The following SKAP1 variants were observed in gnomAD, a reference collection of about 807,000 sequenced individuals.
SKAP1 encodes the protein src kinase associated phosphoprotein 1.
A neutral mutation model predicts 58.5 loss-of-function variants in SKAP1; 44 were observed. The ratio of observed to expected loss-of-function variants is 0.75; its 90% CI spans 0.59 to 0.97. The LOEUF is 0.97. Among genes scored for constraint, SKAP1 ranks in the 50% least tolerant of loss-of-function variants. SKAP1 has a pLI of 0.00. For missense variants in SKAP1, 390 were observed against 435.2 expected (o/e 0.90, Z 0.92); for synonymous variants, 127 against 149.7 (o/e 0.85, Z 1.11).
chr17:48,295,199 G>A (rs1010483328), intron 4 of SKAP1, among the ~76,000 whole-genome samples: 1 of 152,110 alleles, frequency 6.6e-6, no homozygotes, highest in African/African-American at 2.4e-5. Flanking sequence ...GACTTCAATC[G>A]GGCAAGATCA....
chr17:48,223,606 T>A (rs2065030087), intron 4 of SKAP1, among the ~76,000 whole-genome samples: 1 of 152,190 alleles, frequency 6.6e-6, no homozygotes, highest in Non-Finnish European at 1.5e-5. Context: ...AAGTGGTAAA[T>A]CAGTCTAAGC....
chr17:48,319,101 T>A (rs991053420), intron 4 of SKAP1, among the ~76,000 whole-genome samples: 5 of 152,194 alleles, frequency 3.3e-5, no homozygotes, highest in Non-Finnish European at 7.3e-5. Context: ...AGAAATAGAC[T>A]GGAATGGCAA....
intron 4 of SKAP1, among the ~76,000 whole-genome samples, chr17:48,293,839 C>T (rs997355858): frequency 2.6e-5 from 4 of 152,182 alleles, no homozygotes; most frequent in African/African-American, 4.8e-5. Flanking sequence ...AGCATTGCTG[C>T]CGGGTATTGC....
At chr17:48,268,633 A>G (rs1178652189) in intron 4 of SKAP1, among the ~76,000 whole-genome samples, 1 of 152,078 alleles carries the variant, frequency 6.6e-6, no homozygotes, top group African/African-American at 2.4e-5. Flanking sequence ...TTGGGATTAC[A>G]GGCAGGTGCC....
chr17:48,173,823 A>T (rs1375661759), intron 9 of SKAP1, among the ~76,000 whole-genome samples: 2 of 152,188 alleles, frequency 1.3e-5, no homozygotes, highest in Admixed American at 6.5e-5. Context: ...CCACCATTAG[A>T]TGGGAAGCTT....
At chr17:48,316,975 C>G (rs575733510) in intron 4 of SKAP1, among the ~76,000 whole-genome samples, 117 of 152,312 alleles carry the variant, frequency 7.7e-4, no homozygotes, top group African/African-American at 2.7e-3. Context: ...TTCATCTTCT[C>G]CCTTATCACA....
rs555988783 is a variant in SKAP1 at position 48,311,564 on chromosome 17, G to C, written c.280+34341C>G. 1.2e-3 allele frequency among the ~76,000 whole-genome samples: 189 copies of C among 152,212 alleles called. 1 individual carries two copies. Among genetic ancestry groups the C allele is most frequent in the Non-Finnish European group, 1.5e-3 (99 of 68,006 alleles). On this transcript the variant is annotated intron_variant, in intron 4 of 12. Coordinates refer to ENST00000336915, the MANE Select transcript of SKAP1 (RefSeq NM_003726.4). ...CTCTGAACTCTATATGCCCCCAAAG[G>C]TCATTAATATCATGGCAGTGCTATT...
intron 4 of SKAP1, among the ~76,000 whole-genome samples, chr17:48,332,821 A>C (rs896294840): frequency 2.6e-5 from 4 of 152,176 alleles, no homozygotes; most frequent in African/African-American, 7.2e-5. Flanking sequence ...GTGTGCAAAA[A>C]ATTTCATAGA....
chr17:48,414,271 C>T (rs2067705241), intron 1 of SKAP1, among the ~76,000 whole-genome samples: 1 of 152,036 alleles, frequency 6.6e-6, no homozygotes, highest in Non-Finnish European at 1.5e-5. Context: ...TCATCTTTCA[C>T]CTGAAACCCC....
intron 8 of SKAP1, 110 bp downstream of exon 8, chr17:48,182,284 G>T: frequency 1.4e-6 from 1 of 732,070 alleles, no homozygotes. Context: ...GAAAGGTAGA[G>T]GTGAGAAAGG....
Position 48,189,427 on chromosome 17 carries a change from G to A in SKAP1, c.354C>T (p.Ser118=). 1.2e-6 allele frequency: 2 copies of A among 1,611,496 alleles called. No individual in the cohort carries two copies. Among genetic ancestry groups the A allele is most frequent in the South Asian group, 2.2e-5 (2 of 90,890 alleles). ...VIKQGYLEKK[S]KDHSFFGSEW... Reference sequence around the variant, plus strand: ...ATCTGTGGGTCTGACCAATACCTTTGCTTTTCTTCTCCAAGTATCCTTGCT... The same window carrying A: ...ATCTGTGGGTCTGACCAATACCTTTACTTTTCTTCTCCAAGTATCCTTGCT... Residue 118 remains serine (S), a synonymous_variant, in exon 5 of 13, where the codon AGC becomes AGT. Transcript: ENST00000336915.
intron 1 of SKAP1, among the ~76,000 whole-genome samples, chr17:48,399,652 A>G (rs1353692063): frequency 6.6e-6 from 1 of 151,894 alleles, no homozygotes; most frequent in Non-Finnish European, 1.5e-5. Flanking sequence ...CTGTAGTCCT[A>G]GCTACTCAAG....
Position 48,242,481 on chromosome 17 carries a change from G to A in SKAP1, c.281-52981C>T, listed in dbSNP as rs796320149. Among the ~76,000 whole-genome samples, 51 of 152,176 alleles carry A rather than the reference G, an allele frequency of 3.4e-4. 1 individual carries two copies. Among genetic ancestry groups the A allele is most frequent in the African/African-American group, 1.2e-3 (49 of 41,514 alleles). ...ACCATCACCAACTGGCTGATGGCTCGCATAAAAGCAATGTCAACCAAAAAC... is the reference window on the plus strand; with the variant it reads ...ACCATCACCAACTGGCTGATGGCTCACATAAAAGCAATGTCAACCAAAAAC... On this transcript the variant is annotated intron_variant, in intron 4 of 12. Transcript: ENST00000336915.
chr17:48,277,282 A>G (rs2065712397), intron 4 of SKAP1, among the ~76,000 whole-genome samples: 1 of 152,256 alleles, frequency 6.6e-6, no homozygotes, highest in African/African-American at 2.4e-5. Flanking sequence ...GCAGCTGAGT[A>G]TTAAAGTTGC....
intron 4 of SKAP1, among the ~76,000 whole-genome samples, chr17:48,334,585 C>T (rs2066544383): frequency 1.3e-5 from 2 of 151,436 alleles, no homozygotes; most frequent in South Asian, 4.2e-4. Flanking sequence ...ACGGCCTTTA[C>T]ATTAAAAAAA....
intron 4 of SKAP1, among the ~76,000 whole-genome samples, chr17:48,333,000 A>G (rs1050238873): frequency 1.3e-5 from 2 of 152,202 alleles, no homozygotes; most frequent in African/African-American, 4.8e-5. Context: ...ATTTTTGCCT[A>G]TTCTAGATAG....
chr17:48,186,904 A>G (rs2064461388), intron 6 of SKAP1, among the ~76,000 whole-genome samples: 1 of 152,242 alleles, frequency 6.6e-6, no homozygotes. Context: ...AAGGAGAAAC[A>G]GAAAATGATT....
chr17:48,395,147 CATGCATGTGT>C (rs1394190380), intron 2 of SKAP1, among the ~76,000 whole-genome samples: 5 of 152,120 alleles, frequency 3.3e-5, no homozygotes. Flanking sequence ...CGTGTGTGTT[CATGCATGTGT>C]GTGCATGTGT....
intron 4 of SKAP1, among the ~76,000 whole-genome samples, chr17:48,304,745 G>A (rs1364388609): frequency 6.6e-6 from 1 of 152,126 alleles, no homozygotes; most frequent in Non-Finnish European, 1.5e-5. Context: ...TCCAAGGCAG[G>A]TTTCAATTCT....
Sources: gnomAD v4.1 joint callset for allele counts (sites outside exome capture counted in the v4.1 genomes callset) on GRCh38, gnomAD v4.1.1 for gene constraint, MANE v1.5 for transcripts, NCBI Gene and HGNC (gene_info 2026-07-23, HGNC 2026-07-21) for gene names.